Variants in DLGAP2 observed in about 807,000 individuals in gnomAD.
The protein encoded by DLGAP2 is DLG associated protein 2, also known as disks large-associated protein 2.
DLGAP2 carries 26 observed loss-of-function variants against 100.3 expected under a neutral mutation model. That is an observed-to-expected ratio of 0.26 (90% CI 0.19 to 0.36). The LOEUF (loss-of-function observed/expected upper bound fraction) is 0.36, where lower values mean the gene tolerates loss of function less well. Ranked by LOEUF, DLGAP2 falls within the 10% of genes least tolerant of loss-of-function variation. DLGAP2 has a pLI of 1.00. For synonymous variants in DLGAP2, 886 were observed against 630.1 expected (o/e 1.41, Z -6.08); for missense variants, 1,858 against 1,453.2 (o/e 1.28, Z -4.53).
rs1054604862 is a variant in DLGAP2, at chr8:1,189,094, G to A, written c.74-69757G>A. Among the ~76,000 whole-genome samples, 41 of 146,858 alleles carry A rather than the reference G, an allele frequency of 2.8e-4. 1 individual carries two copies. The highest frequency in any genetic ancestry group is 4.9e-4 in the Non-Finnish European group (33 of 67,876). On this transcript the variant is annotated intron_variant, in intron 2 of 14. Coordinates refer to ENST00000637795, the MANE Select transcript of DLGAP2 (RefSeq NM_001346810.2). Reference sequence around the variant, plus strand: ...CGGGCCCCAGGCCGGTTCCGCGGTTGGGGTTGACCTTACACAGGGTTCGGG... The same window carrying A: ...CGGGCCCCAGGCCGGTTCCGCGGTTAGGGTTGACCTTACACAGGGTTCGGG...
intron 2 of DLGAP2, among the ~76,000 whole-genome samples, chr8:1,152,287 A>G (rs1796710294): frequency 6.6e-6 from 1 of 152,008 alleles, no homozygotes; most frequent in Admixed American, 6.5e-5. Context: ...TTGCCTTTTT[A>G]TTTTGCAAAT....
intron 3 of DLGAP2, among the ~76,000 whole-genome samples, chr8:1,495,623 C>A (rs751248368): frequency 2.0e-5 from 3 of 152,236 alleles, no homozygotes; most frequent in African/African-American, 7.2e-5. Context: ...ACTGGGAAGC[C>A]TCTTCCTGGA....
At chr8:1,447,335 T>C (rs927843408) in intron 3 of DLGAP2, among the ~76,000 whole-genome samples, 2 of 152,246 alleles carry the variant, frequency 1.3e-5, no homozygotes, top group South Asian at 2.1e-4. Context: ...CTGCATCTAT[T>C]GAGATAATCA....
intron 2 of DLGAP2, among the ~76,000 whole-genome samples, chr8:919,051 C>T (rs1412511167): frequency 6.6e-6 from 1 of 152,126 alleles, no homozygotes; most frequent in Non-Finnish European, 1.5e-5. Context: ...AGTGATCCTC[C>T]CTTCTTGGCC....
At chr8:1,684,134 C>G (rs931549393) in intron 12 of DLGAP2, among the ~76,000 whole-genome samples, 2 of 150,282 alleles carry the variant, frequency 1.3e-5, no homozygotes, top group African/African-American at 2.4e-5. Flanking sequence ...GCTGAATGCC[C>G]CTACACCCGG....
At chr8:1,030,408 A>G (rs1801940295) in intron 2 of DLGAP2, among the ~76,000 whole-genome samples, 1 of 152,190 alleles carries the variant, frequency 6.6e-6, no homozygotes, top group Non-Finnish European at 1.5e-5. Context: ...TTGAAGCTCC[A>G]AGGCCAGCTG....
intron 1 of DLGAP2, 132 bp downstream of exon 1, chr8:737,957 G>C (rs1315977960): frequency 1.5e-5 from 5 of 340,844 alleles, no homozygotes; most frequent in Non-Finnish European, 2.6e-5. Flanking sequence ...GCGAGCGGGG[G>C]TCGTGCCGCC....
intron 1 of DLGAP2, among the ~76,000 whole-genome samples, chr8:816,783 AG>A (rs1203821193): frequency 6.6e-6 from 1 of 152,154 alleles, no homozygotes; most frequent in Non-Finnish European, 1.5e-5. Flanking sequence ...AAAAACAGGA[AG>A]TTTTCTTTGA....
intron 2 of DLGAP2, among the ~76,000 whole-genome samples, chr8:1,193,053 TTCTTAATCCAGTC>T (rs2116734378): frequency 6.6e-6 from 1 of 152,306 alleles, no homozygotes; most frequent in Non-Finnish European, 1.5e-5. Flanking sequence ...GTGCCACATT[TTCTTAATCCAGTC>T]TATCATTGTT....
chr8:870,395 C>T lies in DLGAP2; in HGVS notation c.19-37517C>T, dbSNP rs572306441. Among the ~76,000 whole-genome samples, 5 of 152,300 alleles carry T rather than the reference C, an allele frequency of 3.3e-5. No homozygotes were observed. The South Asian group carries it at 1.0e-3, about 32-fold the overall frequency. ...GGCATTCCTGTTCCCTCCCAGGACC[C>T]TAAACACGCAGCTGCCCTTGAAGAC... On this transcript the variant is annotated intron_variant, in intron 1 of 14. Coordinates refer to ENST00000637795, the MANE Select transcript of DLGAP2 (RefSeq NM_001346810.2).
chr8:1,568,826 C>T (rs973362646), intron 6 of DLGAP2, among the ~76,000 whole-genome samples: 1 of 140,120 alleles, frequency 7.1e-6, no homozygotes, highest in Non-Finnish European at 1.5e-5. Context: ...TCAGCAGACA[C>T]AAATCCGTCT....
chr8:1,227,153 G>GATATATATATAT lies in DLGAP2; in HGVS notation c.74-31688_74-31677dup, dbSNP rs759172816. 7.4e-3 allele frequency among the ~76,000 whole-genome samples: 667 copies of GATATATATATAT among 89,676 alleles called. 87 individuals are homozygous for GATATATATATAT. The highest frequency in any genetic ancestry group is 0.034 in the African/African-American group (529 of 15,334). The allele number at this position is 89,676 out of a possible 152,430, so 58.8% of individuals were successfully genotyped here. ...AAATGAATGGGTAAGGAAACTGTGA[G>GATATATATATAT]ATATATATATATATATATATAGTAT... is the stretch of plus-strand genomic sequence containing the variant. On this transcript the variant is annotated intron_variant, in intron 2 of 14. Transcript: ENST00000637795.
intron 10 of DLGAP2, among the ~76,000 whole-genome samples, chr8:1,670,363 C>T (rs903111328): frequency 6.6e-6 from 1 of 152,228 alleles, no homozygotes; most frequent in African/African-American, 2.4e-5. Context: ...CTTCCGCTCC[C>T]AGCTCCCACC....
intron 3 of DLGAP2, among the ~76,000 whole-genome samples, chr8:1,461,027 G>A (rs963131754): frequency 7.2e-5 from 11 of 152,156 alleles, no homozygotes; most frequent in Non-Finnish European, 1.2e-4. Context: ...CACGTGGGCT[G>A]GGCACAGTCG....
chr8:1,352,154 AGGCCG>A lies in DLGAP2; in HGVS notation c.106+93272_106+93276del, dbSNP rs1233809375. On this transcript the variant is annotated intron_variant, in intron 3 of 14. Transcript: ENST00000637795. ...GTGCGGGTCCTGACTGTGTGTGGAA[AGGCCG>A]TGCGGGTCCTGAGTGTGTGTGGATA... Among the ~76,000 whole-genome samples the A allele has an allele frequency of 8.2e-4, 84 of 102,810 alleles. 5 individuals carry two copies. The highest frequency in any genetic ancestry group is 1.5e-3 in the South Asian group (4 of 2,606). 67.4% of individuals were successfully genotyped at this position (102,810 alleles called of 152,430 possible).
intron 3 of DLGAP2, among the ~76,000 whole-genome samples, chr8:1,265,535 C>T (rs959411384): frequency 2.0e-5 from 3 of 152,170 alleles, no homozygotes; most frequent in African/African-American, 7.2e-5. Flanking sequence ...GGAGAAGCAG[C>T]ATTAGTCAAA....
intron 10 of DLGAP2, among the ~76,000 whole-genome samples, chr8:1,670,340 C>A (rs1798659441): frequency 6.6e-6 from 1 of 152,256 alleles, no homozygotes; most frequent in South Asian, 2.1e-4. Context: ...CACACCCCTC[C>A]GTGGTCAGCC....
At chr8:1,046,061 A>G (rs1197025278) in intron 2 of DLGAP2, among the ~76,000 whole-genome samples, 4 of 152,202 alleles carry the variant, frequency 2.6e-5, no homozygotes, top group Admixed American at 6.5e-5. Context: ...AGATTTTTCT[A>G]TTGAGTCACG....
chr8:1,319,609 A>G (rs907144574), intron 3 of DLGAP2, among the ~76,000 whole-genome samples: 2 of 152,346 alleles, frequency 1.3e-5, no homozygotes, highest in East Asian at 1.9e-4. Flanking sequence ...CTGGACGTCC[A>G]TCAGCTGTGA....
Sources: allele counts gnomAD v4.1 joint callset (sites outside exome capture counted in the v4.1 genomes callset), GRCh38; gene constraint gnomAD v4.1.1; transcripts MANE v1.5; gene names NCBI Gene and HGNC (gene_info 2026-07-23, HGNC 2026-07-21).